C19orf44: variants seen among roughly 807,000 people sequenced by gnomAD.
The protein encoded by C19orf44 is uncharacterized protein C19orf44.
A neutral mutation model predicts 50.7 loss-of-function variants in C19orf44; 43 were observed. The observed-to-expected ratio is 0.85, with a 90% confidence interval of 0.66 to 1.09. C19orf44 has a LOEUF of 1.09. Among genes scored for constraint, C19orf44 ranks in the 50% least tolerant of loss-of-function variants. C19orf44 has a pLI of 0.00. For synonymous variants in C19orf44, 298 were observed against 334.7 expected, an observed-to-expected ratio of 0.89 and a Z score of 1.20; for missense variants, 722 against 836.2, an observed-to-expected ratio of 0.86 and a Z score of 1.68.
At chr19:16,518,701 G>A (rs927728979) in intron 8 of C19orf44, 3 of 170,372 alleles carry the variant, frequency 1.8e-5, no homozygotes, top group Non-Finnish European at 2.5e-5. Context: ...CAGCCGAGGG[G>A]AAGCCAGGTC....
At position 16,520,761 on chromosome 19, in the gene C19orf44, T is replaced by C. The variant is rs540435876; in HGVS notation, c.*708T>C. The C allele has an allele frequency of 5.4e-6, 8 of 1,477,654 alleles. No homozygotes were observed. Among genetic ancestry groups the C allele is most frequent in the African/African-American group, 1.4e-5 (1 of 72,218 alleles). 91.5% of individuals were successfully genotyped at this position (1,477,654 alleles called of 1,614,324 possible). A position where few individuals can be genotyped will look rare whatever the true frequency, so the allele number is the denominator to read the frequency against. On this transcript the variant is annotated 3_prime_UTR_variant, in exon 9 of 9. Coordinates refer to ENST00000221671, the MANE Select transcript of C19orf44 (RefSeq NM_032207.4). The surrounding 1 kb of genome is among the most constrained non-coding windows in gnomAD (Gnocchi z 4.0). ...GGACGTGATGAGTGTATCTGGGGTCTGCTCCCACCCATCACAAGCTGTGGA... is the reference window on the plus strand; with the variant it reads ...GGACGTGATGAGTGTATCTGGGGTCCGCTCCCACCCATCACAAGCTGTGGA...
At position 16,519,520 on chromosome 19, in the gene C19orf44, C is replaced by T. The variant is rs1355907761; in HGVS notation, c.*41-574C>T. On this transcript the variant is annotated intron_variant, in intron 8 of 8. Coordinates refer to ENST00000221671, the MANE Select transcript of C19orf44 (RefSeq NM_032207.4). The surrounding 1 kb of genome is among the most constrained non-coding windows in gnomAD (Gnocchi z 6.0). Reference sequence around the variant, plus strand: ...GGTGGAGTCAGAACCGGCCTGACTCCATCCATCCCCACATGCACTGAGGAA... The same window carrying T: ...GGTGGAGTCAGAACCGGCCTGACTCTATCCATCCCCACATGCACTGAGGAA... 24 of 1,289,272 alleles carry T rather than the reference C, an allele frequency of 1.9e-5. No homozygotes were observed. The highest frequency in any genetic ancestry group is 2.0e-5 in the Non-Finnish European group (18 of 894,058). The allele number at this position is 1,289,272 out of a possible 1,614,324, so 79.9% of individuals were successfully genotyped here.
rs1315077053 is a variant in C19orf44, at chr19:16,518,386, G to A, written c.*40+1045G>A. 2.0e-5 allele frequency: 3 copies of A among 152,226 alleles called. No individual in the cohort carries two copies. The East Asian group carries it at 5.8e-4, about 29-fold the overall frequency. The allele number at this position is 152,226 out of a possible 1,614,324, so 9.4% of individuals were successfully genotyped here. ...ACTCCGAGGCAGCGCTCAACCTGAA[G>A]TGTCTTAGGCTGGTTTCCTGTTAGA... On this transcript the variant is annotated intron_variant, in intron 8 of 8. Coordinates refer to ENST00000221671, the MANE Select transcript of C19orf44 (RefSeq NM_032207.4).
Position 16,509,524 on chromosome 19 carries a change from C to G in C19orf44, c.1175C>G (p.Thr392Arg). Residue 392 changes from threonine to arginine, a missense_variant, in exon 5 of 9, where the codon ACA (threonine) becomes AGA (arginine). Thr to Arg is a moderately conservative substitution (Grantham distance 71, BLOSUM62 -1). Transcript: ENST00000221671. Reference sequence around the variant, plus strand: ...GAGGAAAGTGCTCAGAGACAAAAAACAGCTGGCAAAATCTTCAGAGCCGAG... The same window carrying G: ...GAGGAAAGTGCTCAGAGACAAAAAAGAGCTGGCAAAATCTTCAGAGCCGAG... ...QEEESAQRQKTAGKIFRAEAS... is the reference protein window; with the variant it reads ...QEEESAQRQKRAGKIFRAEAS... 1 of 1,547,620 alleles carries G rather than the reference C, an allele frequency of 6.5e-7. No individual in the cohort carries two copies.
At chr19:16,502,658 A>G (rs2093428830) in intron 2 of C19orf44, among the ~76,000 whole-genome samples, 1 of 152,062 alleles carries the variant, frequency 6.6e-6, no homozygotes, top group South Asian at 2.1e-4. Context: ...TCTTGGTCTC[A>G]TGCTCCCCGC....
chr19:16,508,880 G>A (rs1466866191), intron 4 of C19orf44, among the ~76,000 whole-genome samples: 4 of 151,670 alleles, frequency 2.6e-5, no homozygotes, highest in East Asian at 3.9e-4. Context: ...GAGTGCAATG[G>A]TGTGATCTCA....
At position 16,513,075 on chromosome 19, in the gene C19orf44, C is replaced by T. The variant is rs148136760; in HGVS notation, c.1701C>T (p.Ile567=). ...GCGCCTACGTGGACCCGACACCCAT[C>T]GCCAATCATGTTATCAGTGCAGATG... The part of the protein sequence containing the change: ...LGGAYVDPTP[I]ANHVISADAI... Residue 567 remains isoleucine, a synonymous_variant, in exon 6 of 9, where the codon ATC becomes ATT. Transcript: ENST00000221671. 1.4e-5 allele frequency: 23 copies of T among 1,613,812 alleles called. No individual in the cohort carries two copies. The highest frequency in any genetic ancestry group is 1.1e-4 in the African/African-American group (8 of 74,886).
intron 8 of C19orf44, 34 bp downstream of exon 8, chr19:16,517,375 G>A (rs28447467): frequency 0.12 from 177,398 of 1,427,428 alleles, 10,163 homozygotes; most frequent in Non-Finnish European, 0.13. Flanking sequence ...GCACACACAC[G>A]CACACAAACA....
chr19:16,501,049 C>G lies in C19orf44; in HGVS notation c.257C>G (p.Ser86Cys), dbSNP rs2093423748. The part of the protein sequence containing the change: ...LASCRPPTTA[S>C]RIRANAALMK... ...TCATGTAGACCGCCCACCACTGCCT[C>G]CAGGATCCGAGCCAATGCCGCACTC... The change falls in exon 2 of 9, where the codon TCC (serine) becomes TGC (cysteine). Residue 86 changes from serine (S) to cysteine (C), a missense_variant. Ser to Cys is a moderately radical substitution (Grantham distance 112). Transcript: ENST00000221671. 1.9e-6 allele frequency: 3 copies of G among 1,614,002 alleles called. No individual in the cohort carries two copies. The highest frequency in any genetic ancestry group is 1.7e-6 in the Non-Finnish European group (2 of 1,180,036).
intron 3 of C19orf44, among the ~76,000 whole-genome samples, chr19:16,504,274 G>A (rs935979707): frequency 6.6e-6 from 1 of 152,086 alleles, no homozygotes; most frequent in Non-Finnish European, 1.5e-5. Context: ...CCTGGGTCCC[G>A]GCACACACTT....
intron 5 of C19orf44, 111 bp from the exon 6 acceptor site, chr19:16,512,903 A>T: frequency 2.4e-6 from 2 of 831,672 alleles, no homozygotes; most frequent in Non-Finnish European, 3.7e-6. Flanking sequence ...GATCACCTTC[A>T]GAAAGAGGGA....
At chr19:16,497,165 C>T (rs1599725059) in intron 1 of C19orf44, among the ~76,000 whole-genome samples, 1 of 152,022 alleles carries the variant, frequency 6.6e-6, no homozygotes, top group East Asian at 1.9e-4. Context: ...CCACGCTGGT[C>T]TCGAACTCCT....
In C19orf44 at chr19:16,520,770, C is replaced by T; in HGVS notation, c.*717C>T. ...GAGTGTATCTGGGGTCTGCTCCCAC[C>T]CATCACAAGCTGTGGACCCTGGCCC... On this transcript the variant is annotated 3_prime_UTR_variant, in exon 9 of 9. Coordinates refer to ENST00000221671, the MANE Select transcript of C19orf44 (RefSeq NM_032207.4). This position sits in a 1 kb window ranked among gnomAD's most constrained non-coding sequence, Gnocchi z 4.0. 6.6e-7 allele frequency: 1 copy of T among 1,513,318 alleles called. No individual in the cohort carries two copies. 93.7% of individuals were successfully genotyped at this position (1,513,318 alleles called of 1,614,324 possible).
intron 6 of C19orf44, 67 bp from the exon 7 acceptor site, chr19:16,514,430 G>T (rs956745239): frequency 3.5e-6 from 5 of 1,432,660 alleles, no homozygotes; most frequent in Non-Finnish European, 3.8e-6. Flanking sequence ...CACCTGAGCG[G>T]TGGGGGGGGG....
At position 16,503,376 on chromosome 19, in the gene C19orf44, C is replaced by T. The variant is rs748851278; in HGVS notation, c.1071C>T (p.Leu357=). The T allele has an allele frequency of 6.8e-6, 11 of 1,607,460 alleles. No individual in the cohort carries two copies. Among genetic ancestry groups the T allele is most frequent in the Non-Finnish European group, 8.5e-6 (10 of 1,175,030 alleles). ...EPVSEGADDS[L]DEFRINILSL... ...TCTCAGAAGGTGCTGATGACAGCCT[C>T]GACGGTAATCCCAGTCCCGGTGCAA... The change falls in exon 3 of 9, where the codon CTC becomes CTT. Residue 357 remains leucine (L), a synonymous_variant. Transcript: ENST00000221671.
In C19orf44 at chr19:16,500,732, T is replaced by A. The variant is rs1311503917; in HGVS notation, c.-1-60T>A. On this transcript the variant is annotated intron_variant, in intron 1 of 8. Coordinates refer to ENST00000221671, the MANE Select transcript of C19orf44 (RefSeq NM_032207.4). ...GTGAGCTTTTGCCAAGTAGGAGCCA[T>A]TGAATGCTCAATACAAACAGCAGGT... The A allele has an allele frequency of 4.1e-6, 6 of 1,474,742 alleles. No homozygotes were observed. The East Asian group carries it at 1.4e-4, about 34-fold the overall frequency. The allele number at this position is 1,474,742 out of a possible 1,614,324, so 91.4% of individuals were successfully genotyped here.
At chr19:16,505,437 C>T (rs183442678) in intron 3 of C19orf44, among the ~76,000 whole-genome samples, 7 of 149,756 alleles carry the variant, frequency 4.7e-5, no homozygotes, top group Admixed American at 6.7e-5. Flanking sequence ...TGGTCTTCGA[C>T]TCCTGACCTG....
At chr19:16,503,406 A>G in intron 3 of C19orf44, 26 bp downstream of exon 3, 1 of 1,589,142 alleles carries the variant, frequency 6.3e-7, no homozygotes, top group South Asian at 1.1e-5. Flanking sequence ...GTGCAAAGCC[A>G]GTACCTTGGG....
chr19:16,501,371 G>A lies in C19orf44; in HGVS notation c.579G>A (p.Glu193=). ...CCCCTGAAGCACCTGCTGGGAAAGAGAGGACTTTGCAAACCCCCAAACAGA... is the reference window on the plus strand; with the variant it reads ...CCCCTGAAGCACCTGCTGGGAAAGAAAGGACTTTGCAAACCCCCAAACAGA... The part of the protein sequence containing the change: ...NISPEAPAGK[E]RTLQTPKQKE... Residue 193 remains glutamate (E), a synonymous_variant, in exon 2 of 9, where the codon GAG becomes GAA. Coordinates refer to ENST00000221671, the MANE Select transcript of C19orf44 (RefSeq NM_032207.4). 6.2e-7 allele frequency: 1 copy of A among 1,614,060 alleles called. No homozygotes were observed. Among genetic ancestry groups the A allele is most frequent in the Non-Finnish European group, 8.5e-7 (1 of 1,180,028 alleles).
Sources: allele counts gnomAD v4.1 joint callset (sites outside exome capture counted in the v4.1 genomes callset), GRCh38; gene constraint gnomAD v4.1.1; non-coding constraint Gnocchi (gnomAD v3.1); transcripts MANE v1.5; gene names NCBI Gene and HGNC (gene_info 2026-07-23, HGNC 2026-07-21).